ARHGEF18: variants seen among roughly 807,000 people sequenced by gnomAD.
ARHGEF18 encodes the protein rho guanine nucleotide exchange factor 18.
In ARHGEF18, 93 loss-of-function variants were observed where a neutral mutation model predicts 155.7. The observed-to-expected ratio is 0.60, with a 90% CI of 0.50 to 0.71. The LOEUF (loss-of-function observed/expected upper bound fraction) is 0.71, where lower values mean the gene tolerates loss of function less well. ARHGEF18 is among the 30% of genes least tolerant of loss of function. The pLI, the probability that ARHGEF18 is intolerant of heterozygous loss-of-function variation, is 0.00. For synonymous variants in ARHGEF18, 742 were observed against 753.1 expected, an observed-to-expected ratio of 0.99 and a Z score of 0.24; for missense variants, 1,593 against 1,816.1, an observed-to-expected ratio of 0.88 and a Z score of 2.23.
chr19:7,370,187 ACT>A (rs1408386767), intron 2 of ARHGEF18, among the ~76,000 whole-genome samples: 1 of 151,088 alleles, frequency 6.6e-6, no homozygotes, highest in Non-Finnish European at 1.5e-5. Context: ...ACAGAGCAAG[ACT>A]CTGTCTCAAA....
chr19:7,370,225 G>A (rs1970138630), intron 2 of ARHGEF18, among the ~76,000 whole-genome samples: 1 of 151,910 alleles, frequency 6.6e-6, no homozygotes, highest in Non-Finnish European at 1.5e-5. Flanking sequence ...GCTGGGCGCG[G>A]TGGCTCACGC....
rs71179104 is a variant in ARHGEF18 at position 7,407,961 on chromosome 19, CAAAAAAAA to C, written c.967+24777_967+24784del. 3.4e-3 allele frequency among the ~76,000 whole-genome samples: 164 copies of C among 48,840 alleles called. No homozygotes were observed. In the Middle Eastern group the frequency reaches 0.045, roughly 14 times the overall value. The allele number at this position is 48,840 out of a possible 152,430, so 32.0% of individuals were successfully genotyped here. A position where few individuals can be genotyped will look rare whatever the true frequency, so the allele number is the denominator to read the frequency against. ...TGGGCAACAGAGCGAGACTCCGTCT[CAAAAAAAA>C]AAAAAAAAAAAAAAAAAAGAGGTAG... On this transcript the variant is annotated intron_variant, in intron 10 of 28. Coordinates refer to ENST00000668164, the MANE Select transcript of ARHGEF18 (RefSeq NM_001367823.1).
chr19:7,470,308 G>C lies in ARHGEF18; in HGVS notation c.*10G>C. ...CGTCATCTTCTTCTAAAAGGGCCGT[G>C]ACTCAAGGTGCAAGGCCCCTCCCTG... is the stretch of plus-strand genomic sequence containing the variant. On this transcript the variant is annotated 3_prime_UTR_variant, in exon 29 of 29. Transcript: ENST00000668164. The surrounding 1 kb of genome is among the most constrained non-coding windows in gnomAD (Gnocchi z 5.9). 6.6e-7 allele frequency: 1 copy of C among 1,511,152 alleles called. No homozygotes were observed. The highest frequency in any genetic ancestry group is 2.5e-5 in the East Asian group (1 of 40,164). The allele number at this position is 1,511,152 out of a possible 1,614,324, so 93.6% of individuals were successfully genotyped here. A position where few individuals can be genotyped will look rare whatever the true frequency, so the allele number is the denominator to read the frequency against.
intron 15 of ARHGEF18, among the ~76,000 whole-genome samples, chr19:7,447,414 A>G (rs188937744): frequency 6.6e-6 from 1 of 152,006 alleles, no homozygotes; most frequent in East Asian, 1.9e-4. Context: ...GCTTGAACCC[A>G]GGAAGCAAAG....
At chr19:7,364,419 A>G (rs1203165390) in intron 2 of ARHGEF18, among the ~76,000 whole-genome samples, 1 of 150,180 alleles carries the variant, frequency 6.7e-6, no homozygotes, top group Non-Finnish European at 1.5e-5. Context: ...GCTGACTAAA[A>G]CCAAATACAG....
intron 3 of ARHGEF18, among the ~76,000 whole-genome samples, chr19:7,373,477 G>GTTTTT (rs369561919): frequency 2.8e-4 from 27 of 95,656 alleles, no homozygotes; most frequent in African/African-American, 1.4e-3. Context: ...TTTTTTTTTT[G>GTTTTT]TTTTTGTTTT....
chr19:7,473,865 C>A (rs1977145424), downstream of ARHGEF18, among the ~76,000 whole-genome samples: 1 of 150,400 alleles, frequency 6.6e-6, no homozygotes, highest in South Asian at 2.1e-4. Flanking sequence ...CACCTGTAAT[C>A]CCAGCTACAC....
intron 15 of ARHGEF18, among the ~76,000 whole-genome samples, chr19:7,448,399 T>C (rs535517601): frequency 3.7e-4 from 56 of 152,150 alleles, no homozygotes; most frequent in Admixed American, 9.8e-4. Flanking sequence ...CAGTGGCTCA[T>C]GCCTGTAATC....
At chr19:7,473,262 C>G (rs1422726111), downstream of ARHGEF18, 9 of 456,088 alleles carry the variant, frequency 2.0e-5, no homozygotes, top group Non-Finnish European at 3.5e-5. Context: ...AAGTCGATCA[C>G]TAGCTCACTA....
chr19:7,439,293 C>T (rs1390656012), intron 10 of ARHGEF18, among the ~76,000 whole-genome samples: 2 of 143,340 alleles, frequency 1.4e-5, no homozygotes, highest in African/African-American at 5.4e-5. Context: ...CCCCCCCAAC[C>T]TCTACAAGAA....
In ARHGEF18 at chr19:7,451,393, G is replaced by C. The variant is rs1041601851; in HGVS notation, c.1855+127G>C. On this transcript the variant is annotated intron_variant, in intron 16 of 28. Coordinates refer to ENST00000668164, the MANE Select transcript of ARHGEF18 (RefSeq NM_001367823.1). The stretch of plus-strand genomic sequence containing the variant: ...TTTGAAATCCAGTTTGCTGGGTGCT[G>C]GGGTTCCTTCCTTTTTTTTTTTTTT... 15 of 694,828 alleles carry C rather than the reference G, an allele frequency of 2.2e-5. No individual in the cohort carries two copies. The South Asian group carries it at 2.9e-4, about 14-fold the overall frequency. 43.0% of individuals were successfully genotyped at this position (694,828 alleles called of 1,614,324 possible).
At chr19:7,380,676 G>C (rs10422357) in intron 7 of ARHGEF18, among the ~76,000 whole-genome samples, 20,672 of 151,814 alleles carry the variant, frequency 0.14, 2,835 homozygotes, top group African/African-American at 0.35. Context: ...AGAGGGAGAC[G>C]CCATCTCTAT....
chr19:7,454,676 T>C lies in ARHGEF18; in HGVS notation c.2104+961T>C, dbSNP rs1286759605. ...CAGCTGGGGTGTAGCATAAAAGAGA[T>C]GGTTGTATCACCGTCCTCCTCCTCT... On this transcript the variant is annotated intron_variant, in intron 17 of 28. Coordinates refer to ENST00000668164, the MANE Select transcript of ARHGEF18 (RefSeq NM_001367823.1). Among the ~76,000 whole-genome samples, 18 of 152,208 alleles carry C rather than the reference T, an allele frequency of 1.2e-4. No individual in the cohort carries two copies. The South Asian group carries it at 1.5e-3, about 12-fold the overall frequency.
chr19:7,419,194 C>T (rs1385117548), intron 10 of ARHGEF18, among the ~76,000 whole-genome samples: 1 of 141,874 alleles, frequency 7.0e-6, no homozygotes, highest in African/African-American at 2.9e-5. Flanking sequence ...TACCCACACT[C>T]GGCCTCTGTA....
chr19:7,459,945 G>C lies in ARHGEF18; in HGVS notation c.2403G>C (p.Glu801Asp). ...AGGGGCCCTTCAGCCTGCCCGAAGA[G>C]GAAAGGAAGGTGGTCGAGGCCCGCG... The part of the protein sequence containing the change: ...EEEGPFSLPE[E>D]ERKVVEARAT... The change falls in exon 20 of 29, where the codon GAG (glutamate) becomes GAC (aspartate). Residue 801 changes from glutamate (E) to aspartate (D), a missense_variant. Transcript: ENST00000668164. 1 of 1,592,094 alleles carries C rather than the reference G, an allele frequency of 6.3e-7. No individual in the cohort carries two copies. The highest frequency in any genetic ancestry group is 8.6e-7 in the Non-Finnish European group (1 of 1,169,322).
In ARHGEF18 at chr19:7,444,923, C is replaced by A. The variant is rs914063047; in HGVS notation, c.1611+469C>A. On this transcript the variant is annotated intron_variant, in intron 14 of 28. Coordinates refer to ENST00000668164, the MANE Select transcript of ARHGEF18 (RefSeq NM_001367823.1). The surrounding 1 kb of genome is among the most constrained non-coding windows in gnomAD (Gnocchi z 4.7). Reference sequence around the variant, plus strand: ...AAAGTGCAGGGATCACAGGCATGAGCCATTGTGCCAGCCTTTTCCTTTCAG... The same window carrying A: ...AAAGTGCAGGGATCACAGGCATGAGACATTGTGCCAGCCTTTTCCTTTCAG... Among the ~76,000 whole-genome samples the A allele has an allele frequency of 2.2e-4, 32 of 146,302 alleles. No homozygotes were observed. Among genetic ancestry groups the A allele is most frequent in the African/African-American group, 7.7e-4 (31 of 40,392 alleles).
chr19:7,358,252 C>CCCAT (rs1969401909), intron 1 of ARHGEF18, among the ~76,000 whole-genome samples: 2 of 34,102 alleles, frequency 5.9e-5, no homozygotes, highest in Admixed American at 2.8e-4. Context: ...CACCCATCCA[C>CCCAT]CCATTCTTCC....
rs1974588665 is a variant in ARHGEF18 at position 7,440,729 on chromosome 19, T to C, written c.1106+247T>C. 6.6e-6 allele frequency among the ~76,000 whole-genome samples: 1 copy of C among 152,176 alleles called. No homozygotes were observed. ...TTTGCTTAGTGCCCTCGAGGGATCCTTGGACTCGCTCCTTAGGCCGGGCTC... is the reference window on the plus strand; with the variant it reads ...TTTGCTTAGTGCCCTCGAGGGATCCCTGGACTCGCTCCTTAGGCCGGGCTC... On this transcript the variant is annotated intron_variant, in intron 11 of 28. Coordinates refer to ENST00000668164, the MANE Select transcript of ARHGEF18 (RefSeq NM_001367823.1). The surrounding 1 kb of genome is among the most constrained non-coding windows in gnomAD (Gnocchi z 5.4).
Position 7,385,833 on chromosome 19 carries a change from A to ATCTC in ARHGEF18, c.967+2665_967+2668dup, listed in dbSNP as rs762196307. On this transcript the variant is annotated intron_variant, in intron 10 of 28. Transcript: ENST00000668164. ...TTAGAGATAGGATCTATCTCTCTCT[A>ATCTC]TCTCTCTCTCTCTCTCTCTCTCTCT... Among the ~76,000 whole-genome samples, 300 of 51,964 alleles carry ATCTC rather than the reference A, an allele frequency of 5.8e-3. 6 individuals carry two copies. Among genetic ancestry groups the ATCTC allele is most frequent in the South Asian group, 7.8e-3 (8 of 1,024 alleles). The allele number at this position is 51,964 out of a possible 152,430, so 34.1% of individuals were successfully genotyped here. A position where few individuals can be genotyped will look rare whatever the true frequency, so the allele number is the denominator to read the frequency against.
Sources: gnomAD v4.1 joint callset for allele counts (sites outside exome capture counted in the v4.1 genomes callset) on GRCh38, gnomAD v4.1.1 for gene constraint, Gnocchi (gnomAD v3.1) non-coding constraint, MANE v1.5 for transcripts, NCBI Gene and HGNC (gene_info 2026-07-23, HGNC 2026-07-21) for gene names.